Variants in SPAG16 observed in about 807,000 individuals in gnomAD.
SPAG16 encodes sperm-associated antigen 16 protein.
In SPAG16, 86 loss-of-function variants were observed where a neutral mutation model predicts 80.4. The ratio of observed to expected loss-of-function variants is 1.07; its 90% confidence interval spans 0.90 to 1.28. The LOEUF (loss-of-function observed/expected upper bound fraction) is 1.28, where lower values mean the gene tolerates loss of function less well. Among genes scored for constraint, SPAG16 ranks in the 50% most tolerant of loss-of-function variants. The probability of loss-of-function intolerance (pLI) is 0.00; values close to 1 mark genes in which losing one functional copy is unlikely to be tolerated. For synonymous variants in SPAG16, 294 were observed against 265.9 expected, an observed-to-expected ratio of 1.11 and a Z score of -1.03; for missense variants, 870 against 765.3, an observed-to-expected ratio of 1.14 and a Z score of -1.61.
At chr2:214,407,124 A>G (rs1702037095) in intron 15 of SPAG16, among the ~76,000 whole-genome samples, 1 of 152,060 alleles carries the variant, frequency 6.6e-6, no homozygotes, top group South Asian at 2.1e-4. Context: ...TGTATTTTAA[A>G]ATACCTTTAT....
At chr2:214,231,623 A>G (rs1688711638) in intron 15 of SPAG16, among the ~76,000 whole-genome samples, 1 of 152,076 alleles carries the variant, frequency 6.6e-6, no homozygotes, top group Non-Finnish European at 1.5e-5. Context: ...GCCAAGTGGC[A>G]TTACTCCAGC....
chr2:213,563,711 A>G (rs2059667398), intron 10 of SPAG16, among the ~76,000 whole-genome samples: 1 of 152,234 alleles, frequency 6.6e-6, no homozygotes, highest in Non-Finnish European at 1.5e-5. Flanking sequence ...TTTTGGAGGA[A>G]CACAATTCAG....
chr2:214,127,135 A>G (rs897627458), intron 14 of SPAG16, among the ~76,000 whole-genome samples: 1 of 151,782 alleles, frequency 6.6e-6, no homozygotes, highest in African/African-American at 2.4e-5. Flanking sequence ...TGCTGCAGAA[A>G]TCTAGTGCTT....
intron 15 of SPAG16, among the ~76,000 whole-genome samples, chr2:214,234,120 T>C (rs1253872641): frequency 2.6e-5 from 4 of 152,122 alleles, no homozygotes; most frequent in South Asian, 2.1e-4. Flanking sequence ...CTCCCACTTA[T>C]AAGTGAGAAG....
At chr2:213,835,669 A>C (rs565086813) in intron 10 of SPAG16, among the ~76,000 whole-genome samples, 2 of 152,272 alleles carry the variant, frequency 1.3e-5, no homozygotes, top group African/African-American at 4.8e-5. Context: ...ATGCTCTAAA[A>C]TTTTAACCTC....
intron 9 of SPAG16, among the ~76,000 whole-genome samples, chr2:213,412,624 AT>A (rs112769349): frequency 9.5e-5 from 14 of 147,530 alleles, no homozygotes; most frequent in Admixed American, 4.0e-4. Context: ...TTGTTTGTTT[AT>A]TTTTTTTTGT....
At chr2:214,002,808 C>G (rs911717678) in intron 12 of SPAG16, among the ~76,000 whole-genome samples, 4 of 152,186 alleles carry the variant, frequency 2.6e-5, no homozygotes, top group Non-Finnish European at 4.4e-5. Flanking sequence ...ATGGTGCCCT[C>G]TTACATTGGC....
At chr2:213,611,799 G>A (rs2061446623) in intron 10 of SPAG16, among the ~76,000 whole-genome samples, 1 of 152,020 alleles carries the variant, frequency 6.6e-6, no homozygotes, top group African/African-American at 2.4e-5. Flanking sequence ...GAGAAGTAAA[G>A]ACATCTCTTG....
intron 15 of SPAG16, among the ~76,000 whole-genome samples, chr2:214,288,676 G>T (rs1693562682): frequency 6.6e-6 from 1 of 151,644 alleles, no homozygotes; most frequent in African/African-American, 2.4e-5. Context: ...TTTCCCTGCT[G>T]GTTAGCAATA....
chr2:213,946,121 A>T (rs4672697), intron 12 of SPAG16, among the ~76,000 whole-genome samples: 1 of 151,850 alleles, frequency 6.6e-6, no homozygotes, highest in African/African-American at 2.4e-5. Context: ...TGTTGGGGAA[A>T]TTTTTTTGTG....
At chr2:213,352,173 A>C (rs1450252829) in intron 7 of SPAG16, among the ~76,000 whole-genome samples, 1 of 146,076 alleles carries the variant, frequency 6.8e-6, no homozygotes, top group Non-Finnish European at 1.5e-5. Flanking sequence ...TTTTTTTTTA[A>C]TATATTTTTA....
chr2:213,342,008 T>G (rs1324464822), intron 6 of SPAG16, among the ~76,000 whole-genome samples: 2 of 152,144 alleles, frequency 1.3e-5, no homozygotes, highest in Non-Finnish European at 2.9e-5. Context: ...TAGATGTTGT[T>G]TCCTTGTTAT....
chr2:214,032,280 T>G (rs7572877), intron 13 of SPAG16, among the ~76,000 whole-genome samples: 152,310 of 152,326 alleles, frequency 1, 76,147 homozygotes, highest in Middle Eastern at 1. Context: ...AAGGTGATTG[T>G]TAGCTCCATC....
chr2:214,153,771 C>T (rs762635171), intron 15 of SPAG16, among the ~76,000 whole-genome samples: 15 of 151,816 alleles, frequency 9.9e-5, no homozygotes, highest in Non-Finnish European at 1.8e-4. Context: ...ATATGTAATG[C>T]GATATATACA....
chr2:214,365,335 T>C (rs1699408814), intron 15 of SPAG16, among the ~76,000 whole-genome samples: 2 of 152,162 alleles, frequency 1.3e-5, no homozygotes, highest in Non-Finnish European at 2.9e-5. Context: ...GAACTGTCAG[T>C]TGGTCAGATA....
chr2:213,419,689 G>A (rs339812), intron 9 of SPAG16, among the ~76,000 whole-genome samples: 3 of 152,062 alleles, frequency 2.0e-5, no homozygotes, highest in Non-Finnish European at 2.9e-5. Flanking sequence ...TCTTTGAAAA[G>A]AATTCACATT....
At chr2:213,910,437 A>G (rs1182426417) in intron 11 of SPAG16, among the ~76,000 whole-genome samples, 1 of 152,242 alleles carries the variant, frequency 6.6e-6, no homozygotes, top group Non-Finnish European at 1.5e-5. Flanking sequence ...TTACAAAATA[A>G]TCCCAAATTT....
At chr2:214,383,922 C>CCTT (rs56704459) in intron 15 of SPAG16, among the ~76,000 whole-genome samples, 132,026 of 151,970 alleles carry the variant, frequency 0.87, 57,451 homozygotes, top group Middle Eastern at 0.9. Flanking sequence ...ACATGGCAAA[C>CCTT]CTTTAAATCT....
At position 213,463,726 on chromosome 2, in the gene SPAG16, C is replaced by T. The variant is rs192128394; in HGVS notation, c.943-26237C>T. ...TCCAGGCAGAAGTTTGCTGCAGGGGCGGAGCCCTCATGGAGAAACTCTGCT... is the reference window on the plus strand; with the variant it reads ...TCCAGGCAGAAGTTTGCTGCAGGGGTGGAGCCCTCATGGAGAAACTCTGCT... On this transcript the variant is annotated intron_variant, in intron 9 of 15. Coordinates refer to ENST00000331683, the MANE Select transcript of SPAG16 (RefSeq NM_024532.5). Among the ~76,000 whole-genome samples the T allele has an allele frequency of 3.9e-5, 6 of 152,356 alleles. No individual in the cohort carries two copies. The East Asian group carries it at 7.7e-4, about 20-fold the overall frequency.
Sources: allele counts gnomAD v4.1 joint callset (sites outside exome capture counted in the v4.1 genomes callset), GRCh38; gene constraint gnomAD v4.1.1; transcripts MANE v1.5; gene names NCBI Gene and HGNC (gene_info 2026-07-23, HGNC 2026-07-21).